SDK1: variants seen among roughly 807,000 people sequenced by gnomAD.
SDK1 encodes sidekick cell adhesion molecule 1.
Under a neutral mutation model 245.5 loss-of-function variants are expected in SDK1, and 157 were observed. The observed-to-expected ratio is 0.64, with a 90% confidence interval of 0.56 to 0.73. The LOEUF is 0.73. Among genes scored for constraint, SDK1 ranks in the 30% least tolerant of loss-of-function variants. The pLI is 0.00. For synonymous variants in SDK1, 1,647 were observed against 1,278.5 expected, an observed-to-expected ratio of 1.29 and a Z score of -6.15; for missense variants, 3,583 against 3,002.3, an observed-to-expected ratio of 1.19 and a Z score of -4.52.
intron 5 of SDK1, among the ~76,000 whole-genome samples, chr7:3,947,041 G>C (rs1780605543): frequency 6.6e-6 from 1 of 152,142 alleles, no homozygotes; most frequent in Non-Finnish European, 1.5e-5. Context: ...TGCTGTGATG[G>C]ATGAGCTTTT....
chr7:3,503,807 A>G (rs530967762), intron 1 of SDK1, among the ~76,000 whole-genome samples: 6 of 152,330 alleles, frequency 3.9e-5, no homozygotes, highest in Admixed American at 6.5e-5. Context: ...GATGTAAGTA[A>G]ATGGAAAGGC....
chr7:4,104,827 T>C (rs751956066), intron 22 of SDK1, among the ~76,000 whole-genome samples: 16 of 152,176 alleles, frequency 1.1e-4, no homozygotes, highest in Non-Finnish European at 2.4e-4. Context: ...ATCAGCCTCC[T>C]GAGTAGCTGG....
chr7:3,933,938 T>C (rs533104260), intron 5 of SDK1, among the ~76,000 whole-genome samples: 1 of 152,292 alleles, frequency 6.6e-6, no homozygotes, highest in Non-Finnish European at 1.5e-5. Flanking sequence ...GTTTTTCCCA[T>C]GGCTAGGGGA....
chr7:3,890,267 G>T (rs1341182570), intron 5 of SDK1, among the ~76,000 whole-genome samples: 1 of 152,230 alleles, frequency 6.6e-6, no homozygotes, highest in African/African-American at 2.4e-5. Flanking sequence ...GCCACATGGA[G>T]TTGTTGAGCA....
chr7:3,417,221 T>C (rs771112600), intron 1 of SDK1, among the ~76,000 whole-genome samples: 5 of 152,146 alleles, frequency 3.3e-5, no homozygotes, highest in African/African-American at 1.2e-4. Flanking sequence ...AGCTGCAGGC[T>C]GAGGTTCTAG....
At chr7:3,624,746 T>C (rs1782060986) in intron 2 of SDK1, among the ~76,000 whole-genome samples, 1 of 151,878 alleles carries the variant, frequency 6.6e-6, no homozygotes, top group East Asian at 1.9e-4. Flanking sequence ...ATTATATTTA[T>C]AAAAAATATA....
intron 35 of SDK1, among the ~76,000 whole-genome samples, chr7:4,190,743 C>T (rs760634082): frequency 4.6e-5 from 7 of 152,240 alleles, no homozygotes; most frequent in Non-Finnish European, 8.8e-5. Context: ...TTCAGGCTCT[C>T]TGCAGCATAC....
At position 3,599,390 on chromosome 7, in the gene SDK1, G is replaced by A. The variant is rs185425786; in HGVS notation, c.299-19690G>A. Among the ~76,000 whole-genome samples, 392 of 152,082 alleles carry A rather than the reference G, an allele frequency of 2.6e-3. 3 individuals carry two copies. Among genetic ancestry groups the A allele is most frequent in the African/African-American group, 9.3e-3 (385 of 41,496 alleles). On this transcript the variant is annotated intron_variant, in intron 1 of 44. Coordinates refer to ENST00000404826, the MANE Select transcript of SDK1 (RefSeq NM_152744.4). The stretch of plus-strand genomic sequence containing the variant: ...ATGCTAGTTCTTTTTCAGATAATGT[G>A]GTTTGCCTGTATTTTCTCCTAATCT...
At chr7:3,885,439 G>T (rs73294615) in intron 5 of SDK1, among the ~76,000 whole-genome samples, 1 of 152,040 alleles carries the variant, frequency 6.6e-6, no homozygotes, top group East Asian at 1.9e-4. Context: ...TATTTGCTCT[G>T]TTTTCTGTTT....
chr7:3,480,319 C>T (rs1445149663), intron 1 of SDK1, among the ~76,000 whole-genome samples: 1 of 152,096 alleles, frequency 6.6e-6, no homozygotes, highest in Non-Finnish European at 1.5e-5. Context: ...GAAATGGAGC[C>T]GCGAGGCCAT....
At chr7:3,602,209 G>A (rs1265341950) in intron 1 of SDK1, among the ~76,000 whole-genome samples, 6 of 151,588 alleles carry the variant, frequency 4.0e-5, no homozygotes, top group Non-Finnish European at 8.8e-5. Flanking sequence ...GGGATGGCTG[G>A]GTCAAATGGT....
intron 35 of SDK1, among the ~76,000 whole-genome samples, chr7:4,205,385 G>A (rs753131871): frequency 3.9e-5 from 6 of 152,088 alleles, no homozygotes; most frequent in Admixed American, 6.5e-5. Flanking sequence ...CTCCCTCGCC[G>A]ATAGAGCCGC....
At chr7:4,248,937 A>G (rs1264524589) in intron 44 of SDK1, among the ~76,000 whole-genome samples, 4 of 147,470 alleles carry the variant, frequency 2.7e-5, no homozygotes, top group Non-Finnish European at 5.9e-5. Flanking sequence ...ATGTACATAC[A>G]TGCACAACAC....
At chr7:3,656,292 T>G (rs111402992) in intron 4 of SDK1, among the ~76,000 whole-genome samples, 436 of 152,318 alleles carry the variant, frequency 2.9e-3, no homozygotes, top group African/African-American at 0.01. Context: ...ACATTTTTGC[T>G]GCCTGTGTAT....
intron 19 of SDK1, among the ~76,000 whole-genome samples, chr7:4,065,564 G>A (rs1188354720): frequency 1.3e-5 from 2 of 152,096 alleles, no homozygotes; most frequent in Non-Finnish European, 1.5e-5. Flanking sequence ...TCACAATTGT[G>A]GGAGGATGAG....
chr7:3,982,724 C>T (rs1018019596), intron 13 of SDK1, among the ~76,000 whole-genome samples: 1 of 152,018 alleles, frequency 6.6e-6, no homozygotes. Flanking sequence ...CCTGTAGTCC[C>T]AGCTACTCGG....
intron 1 of SDK1, among the ~76,000 whole-genome samples, chr7:3,548,583 T>G (rs1395087386): frequency 3.9e-5 from 6 of 152,246 alleles, no homozygotes; most frequent in Non-Finnish European, 4.4e-5. Flanking sequence ...TATTTTCTTT[T>G]TAACACATTC....
At chr7:3,899,268 C>T (rs1428979166) in intron 5 of SDK1, among the ~76,000 whole-genome samples, 1 of 152,160 alleles carries the variant, frequency 6.6e-6, no homozygotes, top group Non-Finnish European at 1.5e-5. Flanking sequence ...TGCGCTTTAA[C>T]ACTTCCACTT....
chr7:3,891,574 T>A (rs1781460784), intron 5 of SDK1, among the ~76,000 whole-genome samples: 1 of 152,214 alleles, frequency 6.6e-6, no homozygotes, highest in African/African-American at 2.4e-5. Flanking sequence ...CCCGTGTGCC[T>A]ACAGTCATTT....
Sources: gnomAD v4.1 joint callset for allele counts (sites outside exome capture counted in the v4.1 genomes callset) on GRCh38, gnomAD v4.1.1 for gene constraint, MANE v1.5 for transcripts, NCBI Gene and HGNC (gene_info 2026-07-23, HGNC 2026-07-21) for gene names.